The following DLG2 variants were observed in gnomAD, a reference collection of about 807,000 sequenced individuals.
DLG2 encodes the protein disks large homolog 2.
In DLG2, 45 loss-of-function variants were observed where a neutral mutation model predicts 132.5. The observed-to-expected ratio is 0.34, with a 90% confidence interval of 0.27 to 0.44. The LOEUF is 0.44. Among genes scored for constraint, DLG2 ranks in the 20% least tolerant of loss-of-function variants. The pLI, the probability that DLG2 is intolerant of heterozygous loss-of-function variation, is 1.00. For synonymous variants in DLG2, 424 were observed against 419.6 expected (o/e 1.01, Z -0.13); for missense variants, 1,045 against 1,196.9 (o/e 0.87, Z 1.87).
At chr11:83,790,520 A>G in intron 17 of DLG2, 1 of 1,273,136 alleles carries the variant, frequency 7.9e-7, no homozygotes, top group South Asian at 1.2e-5. Context: ...CTCTTGCAAC[A>G]CCAGGAGCAG....
At chr11:83,883,488 T>A (rs7112521) in intron 15 of DLG2, among the ~76,000 whole-genome samples, 35,649 of 152,132 alleles carry the variant, frequency 0.23, 4,521 homozygotes, top group East Asian at 0.48. Flanking sequence ...ATCCCACTCA[T>A]CACTGTTAGG....
At position 83,918,185 on chromosome 11, in the gene DLG2, C is replaced by G. The variant is rs548459968; in HGVS notation, c.1496+12143G>C. Among the ~76,000 whole-genome samples the G allele has an allele frequency of 9.2e-5, 14 of 152,282 alleles. No individual in the cohort carries two copies. The South Asian group carries it at 2.7e-3, about 29-fold the overall frequency. Reference sequence around the variant, plus strand: ...GTCTCACTGTGGGCTAAAGCAAGAACATGAGATACATTAGGGGGCCTTTTA... The same window carrying G: ...GTCTCACTGTGGGCTAAAGCAAGAAGATGAGATACATTAGGGGGCCTTTTA... On this transcript the variant is annotated intron_variant, in intron 15 of 27. Coordinates refer to ENST00000376104, the MANE Select transcript of DLG2 (RefSeq NM_001142699.3).
At chr11:84,018,077 G>A (rs1233697000) in intron 11 of DLG2, among the ~76,000 whole-genome samples, 1 of 151,852 alleles carries the variant, frequency 6.6e-6, no homozygotes, top group African/African-American at 2.4e-5. Context: ...GGATCTGTAT[G>A]TTAACGTTTT....
At chr11:84,012,835 C>T (rs1181135450) in intron 11 of DLG2, among the ~76,000 whole-genome samples, 1 of 151,932 alleles carries the variant, frequency 6.6e-6, no homozygotes, top group Non-Finnish European at 1.5e-5. Context: ...AATCGAATAC[C>T]CGCTCCAGGT....
In DLG2 at chr11:84,478,522, G is replaced by A. The variant is rs574338666; in HGVS notation, c.519+56048C>T. ...ATGCAGGTTGTTTACATTTTTTCTA[G>A]TGTAAATAATACTACATATGAACAT... On this transcript the variant is annotated intron_variant, in intron 7 of 27. Coordinates refer to ENST00000376104, the MANE Select transcript of DLG2 (RefSeq NM_001142699.3). Among the ~76,000 whole-genome samples, 5 of 152,010 alleles carry A rather than the reference G, an allele frequency of 3.3e-5. 1 individual carries two copies. The South Asian group carries it at 6.2e-4, about 19-fold the overall frequency.
At chr11:83,980,110 G>A (rs1166019051) in intron 12 of DLG2, among the ~76,000 whole-genome samples, 2 of 152,182 alleles carry the variant, frequency 1.3e-5, no homozygotes. Context: ...CCCTGTGACT[G>A]TATTTGAGGA....
intron 17 of DLG2, among the ~76,000 whole-genome samples, chr11:83,821,634 G>C (rs1019300123): frequency 1.3e-4 from 19 of 151,830 alleles, no homozygotes; most frequent in African/African-American, 4.4e-4. Flanking sequence ...TTTCATTATT[G>C]AACACTTATA....
At chr11:85,010,799 T>C (rs1347945514) in intron 6 of DLG2, among the ~76,000 whole-genome samples, 7 of 152,146 alleles carry the variant, frequency 4.6e-5, no homozygotes, top group Admixed American at 4.6e-4. Flanking sequence ...AAAAAAAAGA[T>C]GCTAATTGCT....
intron 4 of DLG2, among the ~76,000 whole-genome samples, chr11:85,187,221 A>C (rs1306650209): frequency 6.6e-6 from 1 of 152,150 alleles, no homozygotes; most frequent in East Asian, 1.9e-4. Flanking sequence ...TTTACATAAT[A>C]AAATTATCCT....
At chr11:83,896,482 T>C (rs1287602172) in intron 15 of DLG2, among the ~76,000 whole-genome samples, 12 of 152,216 alleles carry the variant, frequency 7.9e-5, no homozygotes, top group Admixed American at 7.9e-4. Context: ...TTAAGTTAAT[T>C]TTGTGAAAGA....
At chr11:83,541,043 T>C (rs1443239197) in intron 20 of DLG2, among the ~76,000 whole-genome samples, 1 of 152,106 alleles carries the variant, frequency 6.6e-6, no homozygotes, top group Non-Finnish European at 1.5e-5. Flanking sequence ...ATGATACTCT[T>C]GATTTAGGAA....
At chr11:85,105,511 A>T (rs1025894455) in intron 6 of DLG2, among the ~76,000 whole-genome samples, 14 of 152,050 alleles carry the variant, frequency 9.2e-5, no homozygotes, top group African/African-American at 3.1e-4. Flanking sequence ...CACATTTCTT[A>T]AAGTAAATCA....
chr11:83,771,264 G>T (rs1231651082), intron 18 of DLG2, among the ~76,000 whole-genome samples: 1 of 152,126 alleles, frequency 6.6e-6, no homozygotes, highest in Non-Finnish European at 1.5e-5. Context: ...ATACAACAGT[G>T]GGGAATTGTC....
chr11:83,715,576 T>G (rs2086503634), intron 18 of DLG2, among the ~76,000 whole-genome samples: 1 of 152,176 alleles, frequency 6.6e-6, no homozygotes, highest in South Asian at 2.1e-4. Context: ...TGCAGAGAGA[T>G]GTGATTTTTT....
intron 19 of DLG2, among the ~76,000 whole-genome samples, chr11:83,595,722 T>G (rs1020607846): frequency 6.6e-6 from 1 of 152,202 alleles, no homozygotes; most frequent in East Asian, 1.9e-4. Flanking sequence ...CTAACCGAAA[T>G]GCAAGTTCAT....
chr11:84,932,637 T>C (rs980043713), intron 6 of DLG2, among the ~76,000 whole-genome samples: 2 of 152,228 alleles, frequency 1.3e-5, no homozygotes, highest in Non-Finnish European at 2.9e-5. Flanking sequence ...TGTGTTAGTC[T>C]GCTGGGGATG....
intron 6 of DLG2, among the ~76,000 whole-genome samples, chr11:84,682,147 C>T (rs1452257313): frequency 1.3e-5 from 2 of 152,122 alleles, no homozygotes; most frequent in Admixed American, 1.3e-4. Context: ...CTCCATTACC[C>T]AAACACCTCG....
At chr11:85,118,805 C>G (rs189865121) in intron 5 of DLG2, among the ~76,000 whole-genome samples, 1 of 152,000 alleles carries the variant, frequency 6.6e-6, no homozygotes, top group East Asian at 1.9e-4. Flanking sequence ...ATTTCTTAAT[C>G]TCTGTGAGTT....
chr11:85,277,416 T>C (rs528252889), intron 4 of DLG2, among the ~76,000 whole-genome samples: 21 of 152,182 alleles, frequency 1.4e-4, no homozygotes, highest in Non-Finnish European at 2.4e-4. Context: ...TAATATTTCT[T>C]TGAGGTCTAG....
Sources: allele counts gnomAD v4.1 joint callset (sites outside exome capture counted in the v4.1 genomes callset), GRCh38; gene constraint gnomAD v4.1.1; transcripts MANE v1.5; gene names NCBI Gene and HGNC (gene_info 2026-07-23, HGNC 2026-07-21).